The following XKR9 variants were observed in gnomAD, a reference collection of about 807,000 sequenced individuals.
XKR9 encodes XK-related protein 9.
Under a neutral mutation model 32.0 loss-of-function variants are expected in XKR9, and 32 were observed. That is an observed-to-expected ratio of 1.00 (90% CI 0.76 to 1.34). The LOEUF is 1.34. XKR9 is among the 40% of genes most tolerant of loss of function. The pLI is 0.00. For missense variants in XKR9, 546 were observed against 429.7 expected, an observed-to-expected ratio of 1.27 and a Z score of -2.39; for synonymous variants, 168 against 143.4, an observed-to-expected ratio of 1.17 and a Z score of -1.22.
chr8:70,674,056 A>G (rs1818805312), intron 1 of XKR9, among the ~76,000 whole-genome samples: 1 of 151,830 alleles, frequency 6.6e-6, no homozygotes, highest in Non-Finnish European at 1.5e-5. Context: ...TAATCCTAGC[A>G]CTGTTGGGAG....
chr8:70,830,677 A>G, the XKR9 span, among the ~76,000 whole-genome samples: 6 of 152,314 alleles, frequency 3.9e-5, no homozygotes, highest in South Asian at 1.2e-3. Context: ...TAATAAACCA[A>G]TTAGGTCCCC....
chr8:70,710,470 G>A (rs1048519663), intron 4 of XKR9, among the ~76,000 whole-genome samples: 3 of 152,128 alleles, frequency 2.0e-5, no homozygotes, highest in Non-Finnish European at 4.4e-5. Flanking sequence ...GGAGGCTAAG[G>A]CGGGTAGATC....
the XKR9 span, among the ~76,000 whole-genome samples, chr8:71,063,866 G>T: frequency 6.6e-6 from 1 of 152,176 alleles, no homozygotes; most frequent in South Asian, 2.1e-4. Context: ...CATAGTTAGG[G>T]TTGGTTCAGA....
At chr8:70,812,224 T>A in the XKR9 span, among the ~76,000 whole-genome samples, 1 of 152,158 alleles carries the variant, frequency 6.6e-6, no homozygotes, top group Non-Finnish European at 1.5e-5. Flanking sequence ...AGAAAAGGCC[T>A]TTGACAAAAT....
At chr8:70,700,451 A>T (rs1055452576) in intron 3 of XKR9, among the ~76,000 whole-genome samples, 4 of 152,210 alleles carry the variant, frequency 2.6e-5, no homozygotes, top group Non-Finnish European at 5.9e-5. Flanking sequence ...GGTCCACTCC[A>T]GAACCTGTTT....
At chr8:70,670,571 C>A (rs1473357247) in intron 1 of XKR9, 1 of 147,312 alleles carries the variant, frequency 6.8e-6, no homozygotes, top group African/African-American at 2.5e-5. Flanking sequence ...TTTTTTTTTT[C>A]CAGATATTTC....
chr8:70,729,056 T>C (rs1279661568), intron 4 of XKR9, among the ~76,000 whole-genome samples: 1 of 152,180 alleles, frequency 6.6e-6, no homozygotes, highest in Non-Finnish European at 1.5e-5. Flanking sequence ...AGGCCAGATT[T>C]CCCAAGGGGC....
At chr8:70,955,816 C>T in the XKR9 span, among the ~76,000 whole-genome samples, 1 of 152,224 alleles carries the variant, frequency 6.6e-6, no homozygotes, top group East Asian at 1.9e-4. Context: ...GCACAGACAG[C>T]CATGCTGGCT....
the XKR9 span, among the ~76,000 whole-genome samples, chr8:70,975,017 T>G: frequency 1.3e-5 from 2 of 152,240 alleles, no homozygotes; most frequent in South Asian, 4.1e-4. Context: ...TCCTGTGTCT[T>G]TTGGCTGCAT....
the XKR9 span, among the ~76,000 whole-genome samples, chr8:70,963,094 A>G: frequency 6.6e-6 from 1 of 152,016 alleles, no homozygotes; most frequent in Non-Finnish European, 1.5e-5. Flanking sequence ...ACCCTTAACT[A>G]TTCTTCCTTA....
chr8:70,820,509 C>T, the XKR9 span, among the ~76,000 whole-genome samples: 2 of 152,118 alleles, frequency 1.3e-5, no homozygotes, highest in Non-Finnish European at 2.9e-5. Context: ...GGAAGAGGTG[C>T]CAGGCTCTTT....
the XKR9 span, among the ~76,000 whole-genome samples, chr8:70,815,238 G>A: frequency 6.6e-6 from 1 of 152,034 alleles, no homozygotes; most frequent in African/African-American, 2.4e-5. Flanking sequence ...TGTCATGGGG[G>A]TTTGTTGTAC....
chr8:70,923,202 C>T, the XKR9 span, among the ~76,000 whole-genome samples: 2 of 152,222 alleles, frequency 1.3e-5, no homozygotes, highest in African/African-American at 4.8e-5. Flanking sequence ...TTGAGGCTGA[C>T]AAGATTATTA....
At chr8:70,827,627 C>T in the XKR9 span, among the ~76,000 whole-genome samples, 3 of 152,222 alleles carry the variant, frequency 2.0e-5, no homozygotes, top group Admixed American at 2.0e-4. Flanking sequence ...ACAGATACTC[C>T]CTTTAAAGCA....
intron 2 of XKR9, among the ~76,000 whole-genome samples, chr8:70,760,140 A>G (rs1453038835): frequency 6.6e-6 from 1 of 152,236 alleles, no homozygotes; most frequent in African/African-American, 2.4e-5. Context: ...AACAGTCATC[A>G]TTCTGTAGCT....
chr8:70,734,294 T>G lies in XKR9; in HGVS notation c.992T>G (p.Leu331Arg), dbSNP rs1414155474. ...ISITIVLTLL[L>R]GILFLIVYYG... ...ATAACTATAGTTCTTACTCTTCTTC[T>G]TGGAATTCTTTTTCTTATTGTTTAT... is the stretch of plus-strand genomic sequence containing the variant. The change falls in exon 5 of 5, where the codon CTT (leucine) becomes CGT (arginine). Residue 331 changes from leucine (L) to arginine (R), a missense_variant. Leu to Arg is a moderately radical substitution (Grantham distance 102). Coordinates refer to ENST00000408926, the MANE Select transcript of XKR9 (RefSeq NM_001011720.2). 3 of 1,612,726 alleles carry G rather than the reference T, an allele frequency of 1.9e-6. No homozygotes were observed. In the Admixed American group the frequency reaches 5.0e-5, roughly 27 times the overall value.
chr8:70,671,640 A>G (rs1337166933), intron 1 of XKR9, among the ~76,000 whole-genome samples: 1 of 76,532 alleles, frequency 1.3e-5, no homozygotes, highest in African/African-American at 3.9e-5. Flanking sequence ...AATTTCATCC[A>G]TGTCCCTACA....
the XKR9 span, among the ~76,000 whole-genome samples, chr8:70,945,132 A>T: frequency 2.6e-5 from 4 of 152,238 alleles, no homozygotes. Flanking sequence ...GTAATACTTT[A>T]TCATTGTTAA....
At chr8:70,753,477 G>T (rs1486487914) in intron 2 of XKR9, among the ~76,000 whole-genome samples, 1 of 152,168 alleles carries the variant, frequency 6.6e-6, no homozygotes, top group Non-Finnish European at 1.5e-5. Context: ...GAGAATTTTA[G>T]ACCAATATCC....
Sources: allele counts gnomAD v4.1 joint callset (sites outside exome capture counted in the v4.1 genomes callset), GRCh38; gene constraint gnomAD v4.1.1; transcripts MANE v1.5; gene names NCBI Gene and HGNC (gene_info 2026-07-23, HGNC 2026-07-21).